BACH1: variants seen among roughly 807,000 people sequenced by gnomAD.
BACH1 encodes transcription regulator protein BACH1.
Under a neutral mutation model 52.9 loss-of-function variants are expected in BACH1, and 35 were observed. The observed-to-expected ratio is 0.66, with a 90% CI of 0.51 to 0.88. BACH1 has a LOEUF of 0.88. Among genes scored for constraint, BACH1 ranks in the 40% least tolerant of loss-of-function variants. The pLI is 0.00. For synonymous variants in BACH1, 321 were observed against 319.6 expected (o/e 1.00, Z -0.05); for missense variants, 808 against 872.6 (o/e 0.93, Z 0.93).
At chr21:29,351,560 G>T (rs761927745) in intron 2 of BACH1, 1 of 524,716 alleles carries the variant, frequency 1.9e-6, no homozygotes, top group Non-Finnish European at 3.9e-6. Flanking sequence ...CATCTCATTT[G>T]AGCGTTTACT....
chr21:29,321,638 G>T, intron 2 of BACH1, 124 bp downstream of exon 2: 3 of 718,710 alleles, frequency 4.2e-6, no homozygotes, highest in Non-Finnish European at 4.1e-6. Flanking sequence ...CAGGTTCTGT[G>T]CAACCCCTTT....
chr21:29,321,383 G>A lies in BACH1; in HGVS notation c.103G>A (p.Asp35Asn), dbSNP rs529204942. The A allele has an allele frequency of 1.2e-5, 20 of 1,614,144 alleles. No homozygotes were observed. Among genetic ancestry groups the A allele is most frequent in the South Asian group, 1.1e-4 (10 of 91,096 alleles). Residue 35 changes from aspartate to asparagine, a missense_variant, in exon 2 of 5, where the codon GAT becomes AAT. Physicochemically the swap from Asp to Asn is conservative, Grantham distance 23 (BLOSUM62 1). Transcript: ENST00000286800. The stretch of plus-strand genomic sequence containing the variant: ...CCAGCGGAAGAAAGATGTGCTGTGC[G>A]ATGTCACCATCTTTGTGGAGGGACA... Reference protein sequence around the residue: ...NDQRKKDVLCDVTIFVEGQRF... With the variant: ...NDQRKKDVLCNVTIFVEGQRF...
chr21:29,301,765 C>A (rs2088606217), intron 1 of BACH1, among the ~76,000 whole-genome samples: 1 of 152,028 alleles, frequency 6.6e-6, no homozygotes, highest in African/African-American at 2.4e-5. Flanking sequence ...TACTGTTACT[C>A]CTTGAAGTCT....
At chr21:29,317,924 T>C (rs900119920) in intron 1 of BACH1, among the ~76,000 whole-genome samples, 1 of 152,080 alleles carries the variant, frequency 6.6e-6, no homozygotes, top group Non-Finnish European at 1.5e-5. Flanking sequence ...CAAGGTCATA[T>C]AGCTAGTAGT....
At chr21:29,361,034 G>A (rs1055359114) in intron 2 of BACH1, 3 of 152,158 alleles carry the variant, frequency 2.0e-5, no homozygotes, top group Admixed American at 6.5e-5. Flanking sequence ...CCACTAGAAT[G>A]TAATCATCGC....
downstream of BACH1, among the ~76,000 whole-genome samples, chr21:29,347,962 TTTA>T (rs1481091461): frequency 2.0e-5 from 3 of 152,194 alleles, no homozygotes; most frequent in Admixed American, 6.5e-5. Context: ...AAGTTTAACT[TTTA>T]TTATTCAACT....
At chr21:29,321,612 G>T in intron 2 of BACH1, 98 bp downstream of exon 2, 1 of 1,086,014 alleles carries the variant, frequency 9.2e-7, no homozygotes, top group Non-Finnish European at 1.3e-6. Context: ...TTGTCAGGTG[G>T]CTATGGAGCA....
At chr21:29,314,883 A>T (rs2088768463) in intron 1 of BACH1, among the ~76,000 whole-genome samples, 1 of 152,190 alleles carries the variant, frequency 6.6e-6, no homozygotes, top group South Asian at 2.1e-4. Context: ...AACAGTTATG[A>T]TATTTAAGCC....
intron 2 of BACH1, among the ~76,000 whole-genome samples, chr21:29,352,221 AT>A (rs1268200625): frequency 2.0e-5 from 3 of 151,878 alleles, no homozygotes; most frequent in African/African-American, 7.3e-5. Context: ...CACCTGGCTA[AT>A]TTTTCTATTT....
At chr21:29,361,326 A>C (rs563822928) in intron 2 of BACH1, 2 of 152,346 alleles carry the variant, frequency 1.3e-5, no homozygotes, top group East Asian at 3.9e-4. Flanking sequence ...TAAGGCTTGC[A>C]GCTGGGATAT....
intron 4 of BACH1, among the ~76,000 whole-genome samples, chr21:29,334,193 G>T (rs2089018424): frequency 6.6e-6 from 1 of 151,856 alleles, no homozygotes; most frequent in Admixed American, 6.6e-5. Context: ...CGCCTCCTAG[G>T]TTCACACCAT....
At chr21:29,351,573 G>A (rs1212823382) in intron 2 of BACH1, 1 of 531,894 alleles carries the variant, frequency 1.9e-6, no homozygotes, top group Non-Finnish European at 3.9e-6. Context: ...CGTTTACTCT[G>A]GGCTTTAGAA....
At chr21:29,310,218 C>T (rs572742321) in intron 1 of BACH1, among the ~76,000 whole-genome samples, 26 of 152,244 alleles carry the variant, frequency 1.7e-4, no homozygotes, top group African/African-American at 3.1e-4. Flanking sequence ...GGAGATTTCA[C>T]GACAATCAAA....
At chr21:29,304,575 T>C (rs1250267577) in intron 1 of BACH1, among the ~76,000 whole-genome samples, 1 of 152,238 alleles carries the variant, frequency 6.6e-6, no homozygotes, top group Non-Finnish European at 1.5e-5. Flanking sequence ...TCAATTCCTT[T>C]GTAGCCTGGA....
At chr21:29,311,406 T>A (rs1442785671) in intron 1 of BACH1, among the ~76,000 whole-genome samples, 2 of 152,214 alleles carry the variant, frequency 1.3e-5, no homozygotes, top group South Asian at 4.1e-4. Context: ...TTAGTCAAAG[T>A]AATACTTGTT....
At chr21:29,350,033 A>C (rs1601374676), downstream of BACH1, among the ~76,000 whole-genome samples, 1 of 152,090 alleles carries the variant, frequency 6.6e-6, no homozygotes, top group Admixed American at 6.5e-5. Context: ...CTCCACAGAA[A>C]GTCATTCTCT....
At chr21:29,319,125 G>T (rs117213233) in intron 1 of BACH1, among the ~76,000 whole-genome samples, 1 of 152,176 alleles carries the variant, frequency 6.6e-6, no homozygotes, top group Non-Finnish European at 1.5e-5. Context: ...AGGCATAAAC[G>T]AGAGAAACTC....
At chr21:29,304,853 T>A (rs1190091583) in intron 1 of BACH1, among the ~76,000 whole-genome samples, 1 of 152,256 alleles carries the variant, frequency 6.6e-6, no homozygotes, top group African/African-American at 2.4e-5. Context: ...TGTGCCAGCG[T>A]CTTTCAGAAG....
Position 29,326,578 on chromosome 21 carries a change from T to C in BACH1, c.754T>C (p.Ser252Pro). ...ATCTAGTGTCAAAGACATTCATGCT[T>C]CTGTTCAGCCAAATGAAAGGTCTGA... ...GESSVKDIHA[S>P]VQPNERSENE... The change falls in exon 3 of 5, where the codon TCT becomes CCT. Residue 252 changes from serine to proline, a missense_variant. By Grantham distance (74) the Ser-to-Pro change is moderately conservative. Transcript: ENST00000286800. The C allele has an allele frequency of 6.2e-7, 1 of 1,614,228 alleles. No individual in the cohort carries two copies. The highest frequency in any genetic ancestry group is 8.5e-7 in the Non-Finnish European group (1 of 1,180,040).
Sources: allele counts gnomAD v4.1 joint callset (sites outside exome capture counted in the v4.1 genomes callset), GRCh38; gene constraint gnomAD v4.1.1; transcripts MANE v1.5; gene names NCBI Gene and HGNC (gene_info 2026-07-23, HGNC 2026-07-21).